The following SAMD3 variants were observed in gnomAD, a reference collection of about 807,000 sequenced individuals.
SAMD3 encodes the protein sterile alpha motif domain containing 3.
SAMD3 carries 63 observed loss-of-function variants against 58.5 expected under a neutral mutation model. The ratio of observed to expected loss-of-function variants is 1.08; its 90% CI spans 0.88 to 1.33. SAMD3 has a LOEUF of 1.33. Among genes scored for constraint, SAMD3 ranks in the 40% most tolerant of loss-of-function variants. The pLI is 0.00. For missense variants in SAMD3, 604 were observed against 608.4 expected (o/e 0.99, Z 0.08); for synonymous variants, 220 against 210.3 (o/e 1.05, Z -0.40).
chr6:130,254,042 G>A (rs1334192819), intron 2 of SAMD3, among the ~76,000 whole-genome samples: 1 of 151,980 alleles, frequency 6.6e-6, no homozygotes, highest in Non-Finnish European at 1.5e-5. Context: ...CACCCAGGCT[G>A]GAGTGCAGGA....
At chr6:130,312,238 G>A (rs1260139498) in intron 2 of SAMD3, among the ~76,000 whole-genome samples, 1 of 152,310 alleles carries the variant, frequency 6.6e-6, no homozygotes, top group East Asian at 1.9e-4. Context: ...TTTAAGTGAT[G>A]GTTGAACTCT....
At chr6:130,245,290 CTT>C (rs1326600040) in intron 2 of SAMD3, among the ~76,000 whole-genome samples, 1 of 152,232 alleles carries the variant, frequency 6.6e-6, no homozygotes, top group East Asian at 1.9e-4. Flanking sequence ...TAGAAGGACT[CTT>C]AGCTTTGGAA....
At chr6:130,218,984 T>C (rs188967767) in intron 1 of SAMD3, among the ~76,000 whole-genome samples, 3 of 152,294 alleles carry the variant, frequency 2.0e-5, no homozygotes, top group East Asian at 1.9e-4. Context: ...ACTGAGAGTA[T>C]GTTCCATGCT....
At position 130,144,953 on chromosome 6, in the gene SAMD3, A is replaced by G. The variant is rs896999150; in HGVS notation, c.1279-149T>C. On this transcript the variant is annotated intron_variant, in intron 11 of 11. Transcript: ENST00000439090. ...AAACATACTTCAAAATAGACCACCAACTTTGCTTTTAAATAAGTTATCGCG... is the reference window on the plus strand; with the variant it reads ...AAACATACTTCAAAATAGACCACCAGCTTTGCTTTTAAATAAGTTATCGCG... The G allele has an allele frequency of 5.6e-5, 48 of 853,810 alleles. 1 individual carries two copies. In the Middle Eastern group the frequency reaches 1.0e-3, roughly 18 times the overall value. The allele number at this position is 853,810 out of a possible 1,614,324, so 52.9% of individuals were successfully genotyped here.
chr6:130,154,863 T>C lies in SAMD3; in HGVS notation c.985A>G (p.Ile329Val). 1 of 1,613,174 alleles carries C rather than the reference T, an allele frequency of 6.2e-7. No individual in the cohort carries two copies. The highest frequency in any genetic ancestry group is 8.5e-7 in the Non-Finnish European group (1 of 1,179,704). ...MIGSRTPLKD[I>V]LKLFPFLKCP... ...TTCAAGAAAGGAAACAGTTTAAGAA[T>C]GTCCTTCAGAGGTGTTCGGCTGCCA... The change falls in exon 9 of 12, where the codon ATT becomes GTT. Residue 329 changes from isoleucine (I) to valine (V), a missense_variant. By Grantham distance (29) the Ile-to-Val change is conservative. Transcript: ENST00000439090.
intron 1 of SAMD3, among the ~76,000 whole-genome samples, chr6:130,342,010 G>T (rs1307893429): frequency 6.6e-6 from 1 of 152,112 alleles, no homozygotes. Flanking sequence ...TACCATAATT[G>T]TTTGCTTTGT....
chr6:130,311,404 G>A (rs1210340281), intron 2 of SAMD3, among the ~76,000 whole-genome samples: 3 of 152,138 alleles, frequency 2.0e-5, no homozygotes, highest in Admixed American at 1.3e-4. Context: ...CTCCCTGGTC[G>A]CTGTTGCAGA....
chr6:130,192,016 AG>A (rs1214446110), intron 5 of SAMD3, among the ~76,000 whole-genome samples: 1 of 152,098 alleles, frequency 6.6e-6, no homozygotes, highest in Admixed American at 6.6e-5. Flanking sequence ...CCTTCTTCTC[AG>A]GTAGATTTTA....
rs542135504 is a variant in SAMD3 at position 130,351,241 on chromosome 6, T to G, written c.-304+13879A>C. ...ATTAACAAATGGGATCTAATTAAAC[T>G]AAAGAGCTTCTGCACAGCAAAAGAA... On this transcript the variant is annotated intron_variant, in intron 1 of 13. Transcript: ENST00000368134. Among the ~76,000 whole-genome samples, 5 of 152,174 alleles carry G rather than the reference T, an allele frequency of 3.3e-5. No individual in the cohort carries two copies. The South Asian group carries it at 1.0e-3, about 32-fold the overall frequency.
At chr6:130,259,084 G>A (rs772217815) in intron 2 of SAMD3, among the ~76,000 whole-genome samples, 2 of 151,976 alleles carry the variant, frequency 1.3e-5, no homozygotes, top group African/African-American at 4.8e-5. Flanking sequence ...TGATGAGAGA[G>A]GATTAAGGAG....
chr6:130,289,500 T>A (rs549858095), intron 2 of SAMD3, among the ~76,000 whole-genome samples: 51 of 145,592 alleles, frequency 3.5e-4, no homozygotes, highest in East Asian at 3.0e-3. Context: ...GAAAAAAAAA[T>A]ATATATAGAG....
intron 2 of SAMD3, 155 bp from the exon 3 acceptor site, chr6:130,215,449 A>T: frequency 7.8e-7 from 1 of 1,285,690 alleles, no homozygotes; most frequent in Non-Finnish European, 9.9e-7. Context: ...ACATTTAAAA[A>T]TTGCTAACAA....
intron 2 of SAMD3, among the ~76,000 whole-genome samples, chr6:130,297,505 T>C (rs1450377615): frequency 6.6e-6 from 1 of 152,186 alleles, no homozygotes; most frequent in Non-Finnish European, 1.5e-5. Flanking sequence ...CTCCGAAGGA[T>C]TGCATTCTCT....
At chr6:130,189,194 T>C in intron 5 of SAMD3, among the ~76,000 whole-genome samples, 1 of 151,886 alleles carries the variant, frequency 6.6e-6, no homozygotes, top group Non-Finnish European at 1.5e-5. Context: ...GTTGAAGCCC[T>C]AACCTCCAAC....
intron 2 of SAMD3, chr6:130,215,622 C>T (rs1210759658): frequency 1.4e-6 from 2 of 1,388,052 alleles, no homozygotes; most frequent in African/African-American, 1.4e-5. Flanking sequence ...GTACCATTAA[C>T]ACCCAGGTTT....
intron 2 of SAMD3, among the ~76,000 whole-genome samples, chr6:130,285,114 C>T (rs1775111421): frequency 6.6e-6 from 1 of 152,092 alleles, no homozygotes; most frequent in South Asian, 2.1e-4. Flanking sequence ...ATGGATAATT[C>T]CATCTGATCA....
chr6:130,226,862 A>G (rs369496365), upstream of SAMD3, among the ~76,000 whole-genome samples: 16 of 152,386 alleles, frequency 1.0e-4, no homozygotes, highest in South Asian at 3.1e-3. Flanking sequence ...CTGAAATTAA[A>G]TTAGTAACAT....
At position 130,342,796 on chromosome 6, in the gene SAMD3, C is replaced by T. The variant is rs1346818901; in HGVS notation, c.-304+22324G>A. Among the ~76,000 whole-genome samples, 4 of 152,036 alleles carry T rather than the reference C, an allele frequency of 2.6e-5. No homozygotes were observed. The South Asian group carries it at 6.2e-4, about 24-fold the overall frequency. On this transcript the variant is annotated intron_variant, in intron 1 of 13. Coordinates refer to the SAMD3 transcript ENST00000368134. Reference sequence around the variant, plus strand: ...CCTAAGTAGCTTTCCTGAAAGGTGGCAATAAGAAATATTATTCAAATCTGA... The same window carrying T: ...CCTAAGTAGCTTTCCTGAAAGGTGGTAATAAGAAATATTATTCAAATCTGA...
intron 1 of SAMD3, among the ~76,000 whole-genome samples, chr6:130,332,095 G>C (rs1583117763): frequency 1.3e-5 from 2 of 152,206 alleles, no homozygotes; most frequent in East Asian, 3.9e-4. Context: ...AATTAGGATG[G>C]TAGTGATAGA....
Sources: gnomAD v4.1 joint callset for allele counts (sites outside exome capture counted in the v4.1 genomes callset) on GRCh38, gnomAD v4.1.1 for gene constraint, MANE v1.5 for transcripts, NCBI Gene and HGNC (gene_info 2026-07-23, HGNC 2026-07-21) for gene names.